MYO5A: variants seen among roughly 807,000 people sequenced by gnomAD.
The protein encoded by MYO5A is myosin VA.
A neutral mutation model predicts 249.7 loss-of-function variants in MYO5A; 98 were observed. The observed-to-expected ratio is 0.39, with a 90% confidence interval of 0.33 to 0.46. The LOEUF (loss-of-function observed/expected upper bound fraction) is 0.46, where lower values mean the gene tolerates loss of function less well. MYO5A is among the 20% of genes least tolerant of loss of function. MYO5A has a pLI of 0.98. For missense variants in MYO5A, 1,696 were observed against 2,308.8 expected (o/e 0.73, Z 5.44); for synonymous variants, 778 against 810.6 (o/e 0.96, Z 0.68).
chr15:52,410,074 C>T (rs1051954548), intron 6 of MYO5A, among the ~76,000 whole-genome samples: 4 of 152,174 alleles, frequency 2.6e-5, no homozygotes, highest in African/African-American at 9.7e-5. Context: ...CACCTGTTCT[C>T]AACTAAGCTT....
In MYO5A at chr15:52,389,246, C is replaced by T. The variant is rs1179281302; in HGVS notation, c.1660G>A (p.Ala554Thr). 2 of 1,613,062 alleles carry T rather than the reference C, an allele frequency of 1.2e-6. No individual in the cohort carries two copies. Among genetic ancestry groups the T allele is most frequent in the Admixed American group, 3.3e-5 (2 of 59,962 alleles). Residue 554 changes from alanine (A) to threonine (T), a missense_variant, in exon 13 of 42, where the codon GCT becomes ACT. By Grantham distance (58) the Ala-to-Thr change is moderately conservative. Transcript: ENST00000399233. ...ATATAAAGCTTCCTTACTTTGTCAG[C>T]AAAATGTTGGATGATGAAAGCTTTG... ...SNKAFIIQHF[A>T]DKVEYQCEGF...
chr15:52,340,625 G>A (rs565663091), intron 31 of MYO5A, among the ~76,000 whole-genome samples: 30 of 152,272 alleles, frequency 2.0e-4, no homozygotes, highest in African/African-American at 7.0e-4. Context: ...GAGGCCCTAA[G>A]AAACAGGAGA....
Position 52,321,345 on chromosome 15 carries a change from G to C in MYO5A, c.4951+14C>G. ...ATAGGCAGGCTGCAATGCCCAGTGG[G>C]GCCCTGGCCTTACCAATCATTGGCT... On this transcript the variant is annotated intron_variant, in intron 38 of 41. Transcript: ENST00000399233. The C allele has an allele frequency of 6.2e-7, 1 of 1,614,114 alleles. No homozygotes were observed. Among genetic ancestry groups the C allele is most frequent in the Non-Finnish European group, 8.5e-7 (1 of 1,180,020 alleles).
intron 3 of MYO5A, among the ~76,000 whole-genome samples, chr15:52,426,822 T>C (rs2075405547): frequency 6.6e-6 from 1 of 152,122 alleles, no homozygotes; most frequent in Non-Finnish European, 1.5e-5. Context: ...TTTCTGTAGG[T>C]GTATATTAAC....
intron 39 of MYO5A, 42 bp from the exon 40 acceptor site, chr15:52,317,264 T>A (rs768412412): frequency 2.5e-6 from 4 of 1,600,396 alleles, no homozygotes; most frequent in South Asian, 2.2e-5. Flanking sequence ...ATTTGCTGAA[T>A]TTTGTCAAAA....
Position 52,309,197 on chromosome 15 carries a change from T to G in MYO5A, c.*4499A>C, listed in dbSNP as rs4776036. 3,601 of 152,466 alleles carry G rather than the reference T, an allele frequency of 0.024. 68 individuals carry two copies. Among genetic ancestry groups the G allele is most frequent in the Middle Eastern group, 0.054 (16 of 296 alleles). 9.4% of individuals were successfully genotyped at this position (152,466 alleles called of 1,614,324 possible). On this transcript the variant is annotated 3_prime_UTR_variant, in exon 42 of 42. Coordinates refer to ENST00000399233, the MANE Select transcript of MYO5A (RefSeq NM_001382347.1). ...TTTCAGAGAGGCTTTTGCTGTTTCC[T>G]GTCTTTTTGGTTGAGACAACCTGCT...
chr15:52,494,591 T>G (rs1243900804), intron 1 of MYO5A, among the ~76,000 whole-genome samples: 4 of 152,158 alleles, frequency 2.6e-5, no homozygotes, highest in Non-Finnish European at 5.9e-5. Flanking sequence ...CTCCTGGCTT[T>G]AAGAGATTCT....
intron 35 of MYO5A, among the ~76,000 whole-genome samples, 156 bp downstream of exon 35, chr15:52,330,197 T>C (rs1185572611): frequency 1.3e-5 from 2 of 152,112 alleles, no homozygotes; most frequent in Non-Finnish European, 2.9e-5. Context: ...TGAAAGTGCT[T>C]GGTGTGGTCA....
At chr15:52,401,542 T>G (rs2042757576) in intron 9 of MYO5A, among the ~76,000 whole-genome samples, 1 of 152,216 alleles carries the variant, frequency 6.6e-6, no homozygotes, top group Non-Finnish European at 1.5e-5. Context: ...GCTATCAGAT[T>G]AATTGCTATT....
At chr15:52,476,300 T>C (rs1448226378) in intron 1 of MYO5A, among the ~76,000 whole-genome samples, 1 of 152,170 alleles carries the variant, frequency 6.6e-6, no homozygotes, top group Non-Finnish European at 1.5e-5. Context: ...GCACGTGAGA[T>C]GGGTCTCCTG....
At chr15:52,396,831 T>A (rs568307541) in intron 10 of MYO5A, among the ~76,000 whole-genome samples, 33 of 152,180 alleles carry the variant, frequency 2.2e-4, no homozygotes, top group African/African-American at 7.9e-4. Context: ...AAATTAAGTA[T>A]GAAACAGGCA....
At chr15:52,426,450 C>T (rs2075396437) in intron 3 of MYO5A, among the ~76,000 whole-genome samples, 1 of 151,970 alleles carries the variant, frequency 6.6e-6, no homozygotes, top group Admixed American at 6.6e-5. Flanking sequence ...TACTAAGCCA[C>T]TACCACCAAT....
At chr15:52,443,983 CA>C (rs1047600809) in intron 1 of MYO5A, among the ~76,000 whole-genome samples, 26 of 142,540 alleles carry the variant, frequency 1.8e-4, no homozygotes, top group Non-Finnish European at 3.4e-4. Context: ...ACTCTGTCTC[CA>C]AAAAAAAAAG....
chr15:52,476,115 C>T (rs192066557), intron 1 of MYO5A, among the ~76,000 whole-genome samples: 132 of 152,216 alleles, frequency 8.7e-4, no homozygotes, highest in East Asian at 3.9e-3. Flanking sequence ...TAGCTCTTCT[C>T]GTTGAATTCA....
At chr15:52,498,213 T>A (rs1477738488) in intron 1 of MYO5A, among the ~76,000 whole-genome samples, 1 of 152,206 alleles carries the variant, frequency 6.6e-6, no homozygotes, top group Non-Finnish European at 1.5e-5. Context: ...ACAGATATAA[T>A]CTATGTAAAC....
intron 25 of MYO5A, among the ~76,000 whole-genome samples, chr15:52,355,792 A>C (rs1378407149): frequency 2.0e-5 from 3 of 152,232 alleles, no homozygotes; most frequent in African/African-American, 7.2e-5. Flanking sequence ...ATTTTATATA[A>C]GAGACTTGAG....
chr15:52,510,087 T>C (rs2077358663), intron 1 of MYO5A, among the ~76,000 whole-genome samples: 1 of 140,272 alleles, frequency 7.1e-6, no homozygotes, highest in Non-Finnish European at 1.5e-5. Context: ...CTTAAGGAAT[T>C]AAGCGGACTA....
At chr15:52,389,918 C>T (rs2042143695) in intron 12 of MYO5A, among the ~76,000 whole-genome samples, 2 of 152,126 alleles carry the variant, frequency 1.3e-5, no homozygotes, top group Admixed American at 6.5e-5. Flanking sequence ...CACACCATTA[C>T]ACTCCAACCT....
At chr15:52,326,677 G>A (rs2038625626) in intron 36 of MYO5A, among the ~76,000 whole-genome samples, 1 of 152,144 alleles carries the variant, frequency 6.6e-6, no homozygotes, top group Admixed American at 6.5e-5. Context: ...CCACGTAACT[G>A]TACACTTAAA....
Sources: gnomAD v4.1 joint callset for allele counts (sites outside exome capture counted in the v4.1 genomes callset) on GRCh38, gnomAD v4.1.1 for gene constraint, MANE v1.5 for transcripts, NCBI Gene and HGNC (gene_info 2026-07-23, HGNC 2026-07-21) for gene names.